The following COL8A1 variants were observed in gnomAD, a reference collection of about 807,000 sequenced individuals.
COL8A1 encodes the protein collagen alpha-1(VIII) chain.
In COL8A1, 21 loss-of-function variants were observed where a neutral mutation model predicts 42.7. The observed-to-expected ratio is 0.49, with a 90% CI of 0.35 to 0.71. The LOEUF (loss-of-function observed/expected upper bound fraction) is 0.71, where lower values mean the gene tolerates loss of function less well. Among genes scored for constraint, COL8A1 ranks in the 30% least tolerant of loss-of-function variants. The pLI is 0.01. For synonymous variants in COL8A1, 367 were observed against 369.1 expected, an observed-to-expected ratio of 0.99 and a Z score of 0.06; for missense variants, 788 against 962.4, an observed-to-expected ratio of 0.82 and a Z score of 2.40.
At chr3:99,643,172 T>G (rs1459665746) in intron 1 of COL8A1, among the ~76,000 whole-genome samples, 1 of 152,220 alleles carries the variant, frequency 6.6e-6, no homozygotes, top group African/African-American at 2.4e-5. Flanking sequence ...CTTGAATAAC[T>G]GCAGTGTGGC....
At chr3:99,776,330 T>C (rs1001379159) in intron 2 of COL8A1, among the ~76,000 whole-genome samples, 3 of 152,022 alleles carry the variant, frequency 2.0e-5, no homozygotes, top group African/African-American at 7.2e-5. Flanking sequence ...GTTCTTTGTA[T>C]TTTTTTTCAT....
intron 2 of COL8A1, among the ~76,000 whole-genome samples, chr3:99,775,045 T>G (rs1006071100): frequency 6.6e-6 from 1 of 152,156 alleles, no homozygotes; most frequent in Non-Finnish European, 1.5e-5. Flanking sequence ...CATTCCTGGC[T>G]AGGGTCATAC....
intron 1 of COL8A1, among the ~76,000 whole-genome samples, chr3:99,698,603 G>T (rs899006246): frequency 6.6e-6 from 1 of 152,162 alleles, no homozygotes; most frequent in African/African-American, 2.4e-5. Flanking sequence ...ATTTCCTTAT[G>T]TTCTAGTTGG....
Position 99,795,055 on chromosome 3 carries a change from T to A in COL8A1, c.1154T>A (p.Ile385Lys). The A allele has an allele frequency of 6.2e-7, 1 of 1,609,342 alleles. No individual in the cohort carries two copies. The highest frequency in any genetic ancestry group is 8.5e-7 in the Non-Finnish European group (1 of 1,177,982). ...GEKGPIGAPG[I>K]GGPPGEPGLP... is the part of the protein sequence containing the mutation. ...AAAGGACCAATAGGTGCCCCAGGAA[T>A]AGGGGGTCCTCCAGGAGAGCCAGGC... Residue 385 changes from isoleucine (I) to lysine (K), a missense_variant, in exon 4 of 4, where the codon ATA becomes AAA. Transcript: ENST00000652472.
intron 1 of COL8A1, among the ~76,000 whole-genome samples, chr3:99,653,417 G>A (rs552161795): frequency 6.6e-6 from 1 of 151,892 alleles, no homozygotes. Flanking sequence ...GTTGTGTTTT[G>A]TTTAATTGTT....
rs74742155 is a variant in COL8A1, at chr3:99,768,053, T to C, written c.-3-22627T>C. 6.2e-3 allele frequency among the ~76,000 whole-genome samples: 947 copies of C among 152,268 alleles called. 6 individuals carry two copies. Among genetic ancestry groups the C allele is most frequent in the African/African-American group, 0.018 (750 of 41,544 alleles). ...GGTACATAACTAATCCCATTTCAAA[T>C]TGAAAATAAAATCAAAATTGGCGAC... On this transcript the variant is annotated intron_variant, in intron 2 of 3. Transcript: ENST00000652472.
intron 1 of COL8A1, among the ~76,000 whole-genome samples, chr3:99,689,804 A>C (rs1020169714): frequency 1.3e-5 from 2 of 152,166 alleles, no homozygotes; most frequent in African/African-American, 4.8e-5. Context: ...TTAACTTTGA[A>C]CTCTAAAAAT....
At chr3:99,704,773 C>T (rs1576439638) in intron 1 of COL8A1, among the ~76,000 whole-genome samples, 2 of 152,278 alleles carry the variant, frequency 1.3e-5, no homozygotes, top group Middle Eastern at 6.8e-3. Context: ...CTTTGTAAGT[C>T]TTACAAAGTG....
intron 1 of COL8A1, among the ~76,000 whole-genome samples, chr3:99,718,909 C>T (rs959405814): frequency 1.3e-5 from 2 of 151,964 alleles, no homozygotes; most frequent in African/African-American, 4.8e-5. Context: ...TGCCTCATGA[C>T]AGTAACAATC....
At chr3:99,693,366 G>A (rs535773916) in intron 1 of COL8A1, among the ~76,000 whole-genome samples, 1 of 152,262 alleles carries the variant, frequency 6.6e-6, no homozygotes, top group African/African-American at 2.4e-5. Context: ...AACAGCCTCA[G>A]GCAGGTTTTC....
At chr3:99,774,937 T>C (rs1056067436) in intron 2 of COL8A1, among the ~76,000 whole-genome samples, 4 of 152,324 alleles carry the variant, frequency 2.6e-5, no homozygotes, top group Middle Eastern at 3.4e-3. Flanking sequence ...CTGGAGGTTG[T>C]TGAGCAAACC....
chr3:99,738,755 G>T (rs1483352762), intron 1 of COL8A1, among the ~76,000 whole-genome samples: 1 of 152,176 alleles, frequency 6.6e-6, no homozygotes, highest in Non-Finnish European at 1.5e-5. Context: ...GCTCCACCCA[G>T]TTCGAGCTTC....
chr3:99,644,421 T>A (rs977580925), intron 1 of COL8A1, among the ~76,000 whole-genome samples: 1 of 152,162 alleles, frequency 6.6e-6, no homozygotes, highest in Non-Finnish European at 1.5e-5. Context: ...TGGTAACACA[T>A]AAAGTCACTC....
At chr3:99,658,909 G>T (rs1220212767) in intron 1 of COL8A1, among the ~76,000 whole-genome samples, 4 of 152,088 alleles carry the variant, frequency 2.6e-5, no homozygotes, top group African/African-American at 9.7e-5. Flanking sequence ...GTGTTTTAAA[G>T]TGTAGTCTAA....
intron 1 of COL8A1, among the ~76,000 whole-genome samples, chr3:99,720,018 A>G (rs746702024): frequency 4.5e-4 from 68 of 152,162 alleles, no homozygotes; most frequent in Non-Finnish European, 9.4e-4. Context: ...TACTAGAATT[A>G]TAGTCATTTA....
chr3:99,768,842 C>T (rs762015253), intron 2 of COL8A1, among the ~76,000 whole-genome samples: 1 of 152,156 alleles, frequency 6.6e-6, no homozygotes, highest in Non-Finnish European at 1.5e-5. Context: ...ACAATGGTCT[C>T]CATTAGAGAA....
intron 2 of COL8A1, among the ~76,000 whole-genome samples, chr3:99,753,796 T>C (rs995061040): frequency 7.2e-5 from 11 of 152,198 alleles, no homozygotes; most frequent in African/African-American, 2.7e-4. Context: ...TTCTATGCTT[T>C]ATATATGTTC....
intron 1 of COL8A1, among the ~76,000 whole-genome samples, chr3:99,725,719 C>T (rs924003561): frequency 4.6e-5 from 7 of 151,828 alleles, no homozygotes; most frequent in Non-Finnish European, 7.4e-5. Flanking sequence ...CCAGTTTCAT[C>T]CATGTCCCTA....
chr3:99,649,251 A>G (rs576334028), intron 1 of COL8A1, among the ~76,000 whole-genome samples: 2 of 152,190 alleles, frequency 1.3e-5, no homozygotes, highest in African/African-American at 4.8e-5. Context: ...TCCATTCTAT[A>G]ATGGCATGAG....
Sources: allele counts gnomAD v4.1 joint callset (sites outside exome capture counted in the v4.1 genomes callset), GRCh38; gene constraint gnomAD v4.1.1; transcripts MANE v1.5; gene names NCBI Gene and HGNC (gene_info 2026-07-23, HGNC 2026-07-21).